LSM11: variants seen among roughly 807,000 people sequenced by gnomAD.
LSM11 encodes LSM11, U7 small nuclear RNA associated.
LSM11 carries 14 observed loss-of-function variants against 28.1 expected under a neutral mutation model. The ratio of observed to expected loss-of-function variants is 0.50; its 90% confidence interval spans 0.33 to 0.78. LSM11 has a LOEUF of 0.78. Among genes scored for constraint, LSM11 ranks in the 30% least tolerant of loss-of-function variants. LSM11 has a pLI of 0.02. For missense variants in LSM11, 495 were observed against 510.6 expected (o/e 0.97, Z 0.30); for synonymous variants, 207 against 214.2 (o/e 0.97, Z 0.30).
chr5:157,752,250 C>T (rs1040981576), intron 2 of LSM11, among the ~76,000 whole-genome samples: 4 of 151,694 alleles, frequency 2.6e-5, no homozygotes, highest in African/African-American at 7.3e-5. Flanking sequence ...CAACCTCCGC[C>T]TCCTGAGTAG....
At chr5:157,754,791 A>G (rs1761295771) in intron 3 of LSM11, 63 bp from the exon 4 acceptor site, 6 of 1,425,312 alleles carry the variant, frequency 4.2e-6, no homozygotes, top group South Asian at 2.7e-5. Context: ...CTTTTTCTGT[A>G]TGTTGAAAGA....
chr5:157,749,584 G>A (rs78426778), intron 1 of LSM11, among the ~76,000 whole-genome samples: 1,925 of 56,312 alleles, frequency 0.034, 38 homozygotes, highest in African/African-American at 0.13. Context: ...GCGCGCGCAC[G>A]CGCGCACACA....
chr5:157,744,171 C>A lies in LSM11; in HGVS notation c.421C>A (p.Pro141Thr). 1 of 1,372,292 alleles carries A rather than the reference C, an allele frequency of 7.3e-7. No individual in the cohort carries two copies. Among genetic ancestry groups the A allele is most frequent in the Non-Finnish European group, 9.4e-7 (1 of 1,061,756 alleles). The allele number at this position is 1,372,292 out of a possible 1,614,324, so 85.0% of individuals were successfully genotyped here. ...RRGPGRSRKAPRNVLTRMPLH... is the reference protein window; with the variant it reads ...RRGPGRSRKATRNVLTRMPLH... ...GGGTCCGGGTCGGAGCAGGAAGGCG[C>A]CACGCAACGTGCTCACGCGAATGCC... Residue 141 changes from proline to threonine, a missense_variant, in exon 1 of 4, where the codon CCA (proline) becomes ACA (threonine). Pro to Thr is a conservative substitution (Grantham distance 38, BLOSUM62 -1). Coordinates refer to ENST00000286307, the MANE Select transcript of LSM11 (RefSeq NM_173491.4).
intron 1 of LSM11, among the ~76,000 whole-genome samples, chr5:157,746,173 C>T (rs1304432285): frequency 6.6e-6 from 1 of 152,208 alleles, no homozygotes; most frequent in East Asian, 1.9e-4. Context: ...TGATTGGATA[C>T]AGTTGCTCAG....
chr5:157,756,261 C>T lies in LSM11; in HGVS notation c.*997C>T, dbSNP rs919974989. On this transcript the variant is annotated 3_prime_UTR_variant, in exon 4 of 4. Transcript: ENST00000286307. ...GGGTGGTAGATTTATTCCCTTGTGT[C>T]AGGCCAAAGAAGTTCTTACAAAGTA... The T allele has an allele frequency of 6.6e-6, 1 of 152,662 alleles. No homozygotes were observed. The highest frequency in any genetic ancestry group is 1.5e-5 in the Non-Finnish European group (1 of 68,088). 9.5% of individuals were successfully genotyped at this position (152,662 alleles called of 1,614,324 possible).
rs763351798 is a variant in LSM11, at chr5:157,756,064, G to C, written c.*800G>C. 1.0e-5 allele frequency: 2 copies of C among 194,442 alleles called. No homozygotes were observed. The highest frequency in any genetic ancestry group is 4.6e-5 in the African/African-American group (2 of 43,162). The allele number at this position is 194,442 out of a possible 1,614,324, so 12.0% of individuals were successfully genotyped here. ...ACCCTGTGGTATTGCCCCTCTGTCC[G>C]TAGTGTGAACTGTCCTGTGAGCTTT... On this transcript the variant is annotated 3_prime_UTR_variant, in exon 4 of 4. Transcript: ENST00000286307.
Position 157,760,256 on chromosome 5 carries a change from AG to A in LSM11, c.*4996del, listed in dbSNP as rs1761389134. On this transcript the variant is annotated 3_prime_UTR_variant, in exon 4 of 4. Transcript: ENST00000286307. ...GCTGTGAAAAGTCTGAAAAATTTCAAGGGGTATTATTTAAATGATGATTATC... is the reference window on the plus strand; with the variant it reads ...GCTGTGAAAAGTCTGAAAAATTTCAAGGGTATTATTTAAATGATGATTATC... 1 of 152,220 alleles carries A rather than the reference AG, an allele frequency of 6.6e-6. No individual in the cohort carries two copies. Among genetic ancestry groups the A allele is most frequent in the South Asian group, 2.1e-4 (1 of 4,836 alleles). The allele number at this position is 152,220 out of a possible 1,614,324, so 9.4% of individuals were successfully genotyped here.
At chr5:157,744,373 TG>T (rs1244939598) in intron 1 of LSM11, among the ~76,000 whole-genome samples, 175 bp downstream of exon 1, 1 of 151,800 alleles carries the variant, frequency 6.6e-6, no homozygotes, top group African/African-American at 2.4e-5. Flanking sequence ...TTGAGTAATG[TG>T]GGTAATGAGG....
Position 157,743,858 on chromosome 5 carries a change from C to T in LSM11, c.108C>T (p.Ala36=), listed in dbSNP as rs1411520933. The T allele has an allele frequency of 1.3e-6, 2 of 1,560,096 alleles. No individual in the cohort carries two copies. The highest frequency in any genetic ancestry group is 1.4e-5 in the African/African-American group (1 of 70,732). ...VSSDSFDPLL[A]LYAPRLPPIP... is the part of the protein sequence containing the mutation. The stretch of plus-strand genomic sequence containing the variant: ...CTGACAGCTTCGACCCGCTGCTGGC[C>T]CTGTACGCGCCCCGCCTGCCTCCCA... The change falls in exon 1 of 4, where the codon GCC becomes GCT. Residue 36 remains alanine (A), a synonymous_variant. Transcript: ENST00000286307.
At chr5:157,750,507 G>A (rs1761215241) in intron 1 of LSM11, among the ~76,000 whole-genome samples, 1 of 152,180 alleles carries the variant, frequency 6.6e-6, no homozygotes, top group Non-Finnish European at 1.5e-5. Flanking sequence ...TACACTGTCA[G>A]GGCTTGGGCC....
chr5:157,747,196 C>G (rs983424112), intron 1 of LSM11, among the ~76,000 whole-genome samples: 1 of 152,300 alleles, frequency 6.6e-6, no homozygotes, highest in Non-Finnish European at 1.5e-5. Context: ...AGCACCATAC[C>G]TAGCCCACGG....
intron 2 of LSM11, among the ~76,000 whole-genome samples, 177 bp downstream of exon 2, chr5:157,751,706 T>C (rs1030433064): frequency 6.6e-6 from 1 of 152,228 alleles, no homozygotes; most frequent in Non-Finnish European, 1.5e-5. Context: ...TGCTTCCTTC[T>C]CCTTAAGGCA....
intron 1 of LSM11, among the ~76,000 whole-genome samples, chr5:157,747,113 G>A (rs1020145490): frequency 1.3e-5 from 2 of 152,086 alleles, no homozygotes; most frequent in Non-Finnish European, 2.9e-5. Context: ...CTATAGAGAT[G>A]GTAAGACAAG....
At position 157,751,505 on chromosome 5, in the gene LSM11, T is replaced by A. The variant is rs1437886472; in HGVS notation, c.564T>A (p.Val188=). The A allele has an allele frequency of 1.2e-6, 2 of 1,612,436 alleles. No homozygotes were observed. The highest frequency in any genetic ancestry group is 2.7e-5 in the African/African-American group (2 of 74,818). ...GLRGVCTGFL[V]AFDKFWNMAL... ...GGGGCGTCTGTACAGGCTTCCTTGT[T>A]GCATTCGACAAGTTCTGGAATATGG... is the stretch of plus-strand genomic sequence containing the variant. The change falls in exon 2 of 4, where the codon GTT becomes GTA. Residue 188 remains valine, a synonymous_variant. Coordinates refer to ENST00000286307, the MANE Select transcript of LSM11 (RefSeq NM_173491.4).
intron 1 of LSM11, among the ~76,000 whole-genome samples, chr5:157,748,002 TG>T (rs1196376122): frequency 7.8e-6 from 1 of 127,448 alleles, no homozygotes; most frequent in African/African-American, 2.7e-5. Flanking sequence ...GCTGTGTGTG[TG>T]TGTGTGTGTG....
chr5:157,744,431 CAG>C (rs1458441103), intron 1 of LSM11, among the ~76,000 whole-genome samples: 1 of 151,994 alleles, frequency 6.6e-6, no homozygotes, highest in Non-Finnish European at 1.5e-5. Flanking sequence ...GTAGGAGCAA[CAG>C]AGGGAGAGTG....
intron 1 of LSM11, among the ~76,000 whole-genome samples, chr5:157,746,631 C>T (rs902910042): frequency 3.3e-5 from 5 of 152,122 alleles, no homozygotes; most frequent in African/African-American, 1.2e-4. Context: ...TAAAAGTAGC[C>T]AGGCACAGTG....
chr5:157,754,277 T>C (rs992811175), intron 3 of LSM11, among the ~76,000 whole-genome samples, 190 bp downstream of exon 3: 1 of 152,208 alleles, frequency 6.6e-6, no homozygotes, highest in African/African-American at 2.4e-5. Flanking sequence ...AGTCTGTGCT[T>C]GTAACCTGCA....
At chr5:157,750,818 G>T (rs1283795851) in intron 1 of LSM11, among the ~76,000 whole-genome samples, 1 of 152,152 alleles carries the variant, frequency 6.6e-6, no homozygotes, top group Admixed American at 6.5e-5. Context: ...GTCTTGCTCT[G>T]TTGCCCAGGC....
Sources: allele counts gnomAD v4.1 joint callset (sites outside exome capture counted in the v4.1 genomes callset), GRCh38; gene constraint gnomAD v4.1.1; transcripts MANE v1.5; gene names NCBI Gene and HGNC (gene_info 2026-07-23, HGNC 2026-07-21).